The following GLYAT variants were observed in gnomAD, a reference collection of about 807,000 sequenced individuals.
GLYAT encodes the protein glycine N-acyltransferase.
A neutral mutation model predicts 22.8 loss-of-function variants in GLYAT; 25 were observed. That is an observed-to-expected ratio of 1.09 (90% confidence interval 0.80 to 1.53). The LOEUF (loss-of-function observed/expected upper bound fraction) is 1.53, where lower values mean the gene tolerates loss of function less well. Among genes scored for constraint, GLYAT ranks in the 40% most tolerant of loss-of-function variants. The pLI is 0.00. For synonymous variants in GLYAT, 140 were observed against 122.7 expected (o/e 1.14, Z -0.93); for missense variants, 411 against 353.9 (o/e 1.16, Z -1.29).
At chr11:58,712,730 G>T in intron 4 of GLYAT, 30 bp downstream of exon 4, 1 of 1,605,594 alleles carries the variant, frequency 6.2e-7, no homozygotes. Flanking sequence ...ACATAAGTGA[G>T]TCAGCACACA....
chr11:58,728,889 A>AGAAAGAAAGAAAGAAGGAAGGAGG (rs1310407303), intron 1 of GLYAT, among the ~76,000 whole-genome samples: 7 of 101,308 alleles, frequency 6.9e-5, no homozygotes, highest in African/African-American at 2.9e-4. Context: ...AAAGAAAGAA[A>AGAAAGAAAGAAAGAAGGAAGGAGG]GAAGGAAGGA....
At chr11:58,712,655 C>T (rs1387475658) in intron 4 of GLYAT, 105 bp downstream of exon 4, 20 of 963,588 alleles carry the variant, frequency 2.1e-5, no homozygotes, top group Non-Finnish European at 2.8e-5. Context: ...ACAAAATTGA[C>T]AGCAGGCTGG....
In GLYAT at chr11:58,709,679, C is replaced by T; in HGVS notation, c.*87G>A. 2 of 1,405,410 alleles carry T rather than the reference C, an allele frequency of 1.4e-6. No individual in the cohort carries two copies. The highest frequency in any genetic ancestry group is 1.4e-5 in the African/African-American group (1 of 69,718). 87.1% of individuals were successfully genotyped at this position (1,405,410 alleles called of 1,614,324 possible). Reference sequence around the variant, plus strand: ...GTGCCCACTCCTTTACTGCTGATTACAATTTATTATTTCTTTTCATCCACC... The same window carrying T: ...GTGCCCACTCCTTTACTGCTGATTATAATTTATTATTTCTTTTCATCCACC... On this transcript the variant is annotated 3_prime_UTR_variant, in exon 6 of 6. Transcript: ENST00000344743.
chr11:58,727,220 T>C (rs1395171812), intron 1 of GLYAT, among the ~76,000 whole-genome samples: 1 of 152,120 alleles, frequency 6.6e-6, no homozygotes, highest in Non-Finnish European at 1.5e-5. Context: ...TCCAAGCTTG[T>C]AGGATAAAAA....
chr11:58,724,556 G>A, intron 1 of GLYAT, 45 bp from the exon 2 acceptor site: 1 of 1,065,352 alleles, frequency 9.4e-7, no homozygotes, highest in Non-Finnish European at 1.3e-6. Context: ...AAAAGCTAGA[G>A]GAGATTCTGA....
At chr11:58,724,152 T>TAAGGG (rs1381196286) in intron 2 of GLYAT, 1 of 336,218 alleles carries the variant, frequency 3.0e-6, no homozygotes, top group Non-Finnish European at 5.4e-6. Context: ...GTGTTTAGAC[T>TAAGGG]AAGGCATAAC....
intron 1 of GLYAT, among the ~76,000 whole-genome samples, chr11:58,730,384 G>C (rs1272697876): frequency 2.0e-5 from 3 of 152,094 alleles, no homozygotes; most frequent in Non-Finnish European, 4.4e-5. Flanking sequence ...AAGGTGGGAC[G>C]ATTCTAATAG....
chr11:58,722,061 C>G (rs1203453929), intron 2 of GLYAT, among the ~76,000 whole-genome samples: 1 of 151,964 alleles, frequency 6.6e-6, no homozygotes, highest in Admixed American at 6.6e-5. Flanking sequence ...GACCTTCCTC[C>G]CCATCTAATT....
chr11:58,727,588 A>G (rs545917884), intron 1 of GLYAT, among the ~76,000 whole-genome samples: 21 of 152,140 alleles, frequency 1.4e-4, no homozygotes, highest in Non-Finnish European at 2.9e-4. Context: ...TGCTTAGTGC[A>G]GACCCGAAGG....
rs1287410426 is a variant in GLYAT at position 58,709,590 on chromosome 11, C to A, written c.*176G>T. 3 of 608,956 alleles carry A rather than the reference C, an allele frequency of 4.9e-6. No homozygotes were observed. Among genetic ancestry groups the A allele is most frequent in the Non-Finnish European group, 8.2e-6 (3 of 367,990 alleles). 37.7% of individuals were successfully genotyped at this position (608,956 alleles called of 1,614,324 possible). On this transcript the variant is annotated 3_prime_UTR_variant, in exon 6 of 6. Coordinates refer to ENST00000344743, the MANE Select transcript of GLYAT (RefSeq NM_201648.3). ...CCTGGGCCTGCTTCCCACTGAGAAA[C>A]CTGTGAATGCAGGGACCATGGCGAT...
intron 4 of GLYAT, 74 bp downstream of exon 4, chr11:58,712,686 G>A (rs1384389426): frequency 8.0e-6 from 10 of 1,246,852 alleles, no homozygotes; most frequent in East Asian, 2.3e-5. Context: ...CTTGGAGGAA[G>A]GAGGTATAAG....
At chr11:58,723,360 A>G (rs1856775540) in intron 2 of GLYAT, among the ~76,000 whole-genome samples, 1 of 152,130 alleles carries the variant, frequency 6.6e-6, no homozygotes, top group South Asian at 2.1e-4. Context: ...CAAGGTGGGT[A>G]ACTTTAGATT....
At chr11:58,717,550 A>C (rs1856699132) in intron 2 of GLYAT, among the ~76,000 whole-genome samples, 1 of 152,064 alleles carries the variant, frequency 6.6e-6, no homozygotes, top group East Asian at 1.9e-4. Flanking sequence ...AATTAGGAAA[A>C]ATGAAAAAAA....
At chr11:58,729,792 C>CT (rs143040932) in intron 1 of GLYAT, among the ~76,000 whole-genome samples, 2,094 of 152,236 alleles carry the variant, frequency 0.014, 22 homozygotes, top group South Asian at 0.045. Flanking sequence ...ATCTAAGGGT[C>CT]TTAGGATGAT....
intron 3 of GLYAT, among the ~76,000 whole-genome samples, chr11:58,713,363 A>C (rs899999273): frequency 5.9e-5 from 9 of 152,170 alleles, no homozygotes; most frequent in Admixed American, 3.3e-4. Context: ...TAAAATTTCA[A>C]ATAAAAGACA....
intron 2 of GLYAT, among the ~76,000 whole-genome samples, chr11:58,718,593 C>T (rs1207140326): frequency 6.6e-6 from 1 of 151,832 alleles, no homozygotes; most frequent in African/African-American, 2.4e-5. Context: ...CTAAAGAGGA[C>T]CAACACAAGG....
chr11:58,723,924 A>G (rs1856782936), intron 2 of GLYAT, among the ~76,000 whole-genome samples: 1 of 152,060 alleles, frequency 6.6e-6, no homozygotes, highest in Non-Finnish European at 1.5e-5. Flanking sequence ...TGGGAAATTT[A>G]CATTAAAATA....
chr11:58,710,006 C>T lies in GLYAT; in HGVS notation c.651G>A (p.Val217=), dbSNP rs1856591510. Residue 217 remains valine, a synonymous_variant, in exon 6 of 6, where the codon GTG becomes GTA. Coordinates refer to ENST00000344743, the MANE Select transcript of GLYAT (RefSeq NM_201648.3). ...CAGTCTGGTCCATTAGATCCCAGCA[C>T]ACAGGGGTCCCCTCAGGCCCCAGGA... ...CCLLGPEGTP[V]CWDLMDQTGE... is the part of the protein sequence containing the mutation. The T allele has an allele frequency of 6.2e-7, 1 of 1,613,996 alleles. No homozygotes were observed. The highest frequency in any genetic ancestry group is 1.7e-5 in the Admixed American group (1 of 59,996).
chr11:58,714,238 G>T (rs1856651784), intron 3 of GLYAT, among the ~76,000 whole-genome samples: 1 of 152,120 alleles, frequency 6.6e-6, no homozygotes. Flanking sequence ...GGAGGAATAA[G>T]TTCAAGAGAC....
Sources: allele counts gnomAD v4.1 joint callset (sites outside exome capture counted in the v4.1 genomes callset), GRCh38; gene constraint gnomAD v4.1.1; transcripts MANE v1.5; gene names NCBI Gene and HGNC (gene_info 2026-07-23, HGNC 2026-07-21).